The following CNTNAP5 variants were observed in gnomAD, a reference collection of about 807,000 sequenced individuals.
CNTNAP5 encodes contactin associated protein family member 5.
In CNTNAP5, 72 loss-of-function variants were observed where a neutral mutation model predicts 150.2. That is an observed-to-expected ratio of 0.48 (90% CI 0.40 to 0.58). The LOEUF (loss-of-function observed/expected upper bound fraction) is 0.58. CNTNAP5 is among the 20% of genes least tolerant of loss of function. The pLI, the probability that CNTNAP5 is intolerant of heterozygous loss-of-function variation, is 0.00. For missense variants in CNTNAP5, 1,636 were observed against 1,626.2 expected (o/e 1.01, Z -0.10); for synonymous variants, 672 against 619.8 (o/e 1.08, Z -1.25).
Position 124,497,770 on chromosome 2 carries a change from C to T in CNTNAP5, c.1063-6522C>T, listed in dbSNP as rs139952289. On this transcript the variant is annotated intron_variant, in intron 7 of 23. Transcript: ENST00000682447. ...TTTGACTAACATGGAGGCCTGAGCT[C>T]CCTGTTCAATACATTTCAGTCTATT... is the stretch of plus-strand genomic sequence containing the variant. 2.6e-5 allele frequency among the ~76,000 whole-genome samples: 4 copies of T among 152,284 alleles called. No homozygotes were observed. The East Asian group carries it at 7.7e-4, about 29-fold the overall frequency.
chr2:124,430,399 T>G (rs1037769462), intron 4 of CNTNAP5, among the ~76,000 whole-genome samples: 4 of 152,182 alleles, frequency 2.6e-5, no homozygotes, highest in African/African-American at 9.7e-5. Flanking sequence ...CAAAAAAACA[T>G]CTAGAGAATT....
chr2:124,331,760 T>C (rs1689354013), intron 3 of CNTNAP5, among the ~76,000 whole-genome samples: 2 of 152,112 alleles, frequency 1.3e-5, no homozygotes, highest in South Asian at 4.1e-4. Context: ...GTAGACTCCA[T>C]TTTTACAGCT....
chr2:124,361,001 C>G (rs369693832), intron 3 of CNTNAP5, among the ~76,000 whole-genome samples: 1 of 127,316 alleles, frequency 7.9e-6, no homozygotes, highest in African/African-American at 3.1e-5. Flanking sequence ...GGAGGCTTTG[C>G]TCATTTCTTT....
chr2:124,197,111 AT>A (rs1685605731), intron 1 of CNTNAP5, among the ~76,000 whole-genome samples: 1 of 152,220 alleles, frequency 6.6e-6, no homozygotes, highest in Admixed American at 6.5e-5. Context: ...GAATATATAA[AT>A]ATGTATAAAT....
chr2:124,115,699 C>T (rs1159059380), intron 1 of CNTNAP5, among the ~76,000 whole-genome samples: 3 of 135,602 alleles, frequency 2.2e-5, no homozygotes, highest in South Asian at 2.4e-4. Context: ...CCCAGGTTGA[C>T]GTGAGGTGGT....
At chr2:124,848,014 A>C (rs1235878140) in intron 19 of CNTNAP5, among the ~76,000 whole-genome samples, 3 of 152,198 alleles carry the variant, frequency 2.0e-5, no homozygotes, top group Non-Finnish European at 4.4e-5. Flanking sequence ...TTGACTAATA[A>C]GGATTGAATA....
chr2:124,889,100 T>G (rs1678140552), intron 21 of CNTNAP5, among the ~76,000 whole-genome samples: 1 of 145,190 alleles, frequency 6.9e-6, no homozygotes, highest in Admixed American at 6.9e-5. Context: ...TTTTTTTTTT[T>G]TTTTTTGAGA....
At chr2:124,157,450 T>G (rs969235420) in intron 1 of CNTNAP5, among the ~76,000 whole-genome samples, 2 of 152,198 alleles carry the variant, frequency 1.3e-5, no homozygotes, top group African/African-American at 4.8e-5. Flanking sequence ...CTTTGACTTT[T>G]CGGTTTCCTA....
intron 21 of CNTNAP5, among the ~76,000 whole-genome samples, chr2:124,883,683 CAT>C (rs1411139728): frequency 6.6e-6 from 1 of 151,936 alleles, no homozygotes; most frequent in Non-Finnish European, 1.5e-5. Context: ...TGCATTTGTC[CAT>C]GTGTGTACAC....
chr2:124,122,759 GACACACACAC>G (rs66540981), intron 1 of CNTNAP5, among the ~76,000 whole-genome samples: 1 of 127,686 alleles, frequency 7.8e-6, no homozygotes, highest in African/African-American at 3.1e-5. Context: ...GGTGGTAAAA[GACACACACAC>G]ACACACACAC....
rs567518918 is a variant in CNTNAP5 at position 124,353,842 on chromosome 2, A to T, written c.382-63601A>T. Among the ~76,000 whole-genome samples the T allele has an allele frequency of 2.0e-5, 3 of 152,286 alleles. No individual in the cohort carries two copies. In the South Asian group the frequency reaches 6.2e-4, roughly 32 times the overall value. ...GTAGTTTTTCATGGGCTCCATTTTA[A>T]TTGTGTCACAGAGAGAGTCAGTGAG... is the stretch of plus-strand genomic sequence containing the variant. On this transcript the variant is annotated intron_variant, in intron 3 of 23. Coordinates refer to ENST00000682447, the MANE Select transcript of CNTNAP5 (RefSeq NM_001367498.1).
At chr2:124,723,601 A>G (rs565536343) in intron 13 of CNTNAP5, among the ~76,000 whole-genome samples, 46 of 152,262 alleles carry the variant, frequency 3.0e-4, no homozygotes, top group African/African-American at 1.1e-3. Flanking sequence ...AGACTGAGTG[A>G]CTTGATCAGC....
At chr2:124,574,017 T>C (rs1036785061) in intron 11 of CNTNAP5, among the ~76,000 whole-genome samples, 2 of 152,260 alleles carry the variant, frequency 1.3e-5, no homozygotes, top group South Asian at 4.1e-4. Flanking sequence ...CTTTTTCATA[T>C]AAGAGACATC....
chr2:124,459,512 G>T (rs1376495755), intron 6 of CNTNAP5, among the ~76,000 whole-genome samples: 1 of 152,112 alleles, frequency 6.6e-6, no homozygotes, highest in African/African-American at 2.4e-5. Context: ...ACTTTGGGAG[G>T]CTGAGGCAGG....
At chr2:124,900,943 G>A (rs1678403411) in intron 21 of CNTNAP5, among the ~76,000 whole-genome samples, 2 of 151,548 alleles carry the variant, frequency 1.3e-5, no homozygotes, top group African/African-American at 4.9e-5. Flanking sequence ...AAAACATCTA[G>A]TCCATTAAAG....
At chr2:124,213,812 C>T (rs774223140) in intron 1 of CNTNAP5, among the ~76,000 whole-genome samples, 1 of 152,170 alleles carries the variant, frequency 6.6e-6, no homozygotes, top group African/African-American at 2.4e-5. Context: ...CTGCTTTCCT[C>T]TCAGGTGTAA....
intron 7 of CNTNAP5, among the ~76,000 whole-genome samples, chr2:124,488,289 A>G (rs960467357): frequency 2.0e-5 from 3 of 152,180 alleles, no homozygotes; most frequent in African/African-American, 7.2e-5. Flanking sequence ...TAACGTGTTG[A>G]TCATTTATTA....
intron 8 of CNTNAP5, among the ~76,000 whole-genome samples, chr2:124,512,949 T>A (rs528678449): frequency 6.6e-6 from 1 of 152,314 alleles, no homozygotes; most frequent in African/African-American, 2.4e-5. Flanking sequence ...CATGACACCC[T>A]TAGCTTTCAG....
chr2:124,565,475 C>T (rs1695999233), intron 11 of CNTNAP5, among the ~76,000 whole-genome samples: 1 of 150,378 alleles, frequency 6.6e-6, no homozygotes, highest in South Asian at 2.1e-4. Flanking sequence ...CCTACTATGA[C>T]CCACAAAAAT....
Sources: gnomAD v4.1 joint callset for allele counts (sites outside exome capture counted in the v4.1 genomes callset) on GRCh38, gnomAD v4.1.1 for gene constraint, MANE v1.5 for transcripts, NCBI Gene and HGNC (gene_info 2026-07-23, HGNC 2026-07-21) for gene names.